CMYA5: variants seen among roughly 807,000 people sequenced by gnomAD.
The protein encoded by CMYA5 is cardiomyopathy-associated protein 5.
Under a neutral mutation model 318.9 loss-of-function variants are expected in CMYA5, and 246 were observed. The ratio of observed to expected loss-of-function variants is 0.77; its 90% CI spans 0.70 to 0.86. The LOEUF is 0.86. CMYA5 is among the 40% of genes least tolerant of loss of function. The pLI is 0.00. For synonymous variants in CMYA5, 1,641 were observed against 1,729.5 expected (o/e 0.95, Z 1.27); for missense variants, 4,589 against 4,678.2 (o/e 0.98, Z 0.56).
chr5:79,799,415 T>C lies in CMYA5; in HGVS notation c.12009T>C (p.Thr4003=). ...YSGIVSDVHV[T]ERPARVGILL... is the part of the protein sequence containing the mutation. ...GTATTGTGAGTGATGTTCATGTGAC[T>C]GAGCGTCCAGCCAGAGTGGGCATCC... is the stretch of plus-strand genomic sequence containing the variant. The change falls in exon 13 of 13, where the codon ACT becomes ACC. Residue 4003 remains threonine (T), a synonymous_variant. Coordinates refer to ENST00000446378, the MANE Select transcript of CMYA5 (RefSeq NM_153610.5). 3 of 1,613,754 alleles carry C rather than the reference T, an allele frequency of 1.9e-6. No homozygotes were observed. The highest frequency in any genetic ancestry group is 2.5e-6 in the Non-Finnish European group (3 of 1,179,650).
intron 8 of CMYA5, 147 bp from the exon 9 acceptor site, chr5:79,762,915 C>A: frequency 3.7e-6 from 3 of 809,044 alleles, no homozygotes; most frequent in Non-Finnish European, 5.7e-6. Flanking sequence ...TATATTTGAT[C>A]CCTTTTGGGT....
intron 12 of CMYA5, among the ~76,000 whole-genome samples, chr5:79,796,615 G>C (rs1829281791): frequency 6.6e-6 from 1 of 152,206 alleles, no homozygotes; most frequent in Non-Finnish European, 1.5e-5. Flanking sequence ...TACCCAGTCT[G>C]TCTCTAACTC....
chr5:79,765,430 C>G (rs1038355115), intron 9 of CMYA5, among the ~76,000 whole-genome samples: 3 of 152,298 alleles, frequency 2.0e-5, no homozygotes, highest in African/African-American at 7.2e-5. Flanking sequence ...CATGATGCCT[C>G]CAGCTTTGTT....
In CMYA5 at chr5:79,737,853, G is replaced by A. The variant is rs1480364387; in HGVS notation, c.9088G>A (p.Glu3030Lys). The A allele has an allele frequency of 1.2e-6, 2 of 1,600,504 alleles. No homozygotes were observed. The highest frequency in any genetic ancestry group is 1.7e-6 in the Non-Finnish European group (2 of 1,176,638). ...KQKETHKTKE[E>K]ISTDSETDLS... ...AAAGGAAACTCATAAGACAAAAGAA[G>A]AGATATCCACAGATTCAGAAACTGA... The change falls in exon 2 of 13, where the codon GAG (glutamate) becomes AAG (lysine). Residue 3030 changes from glutamate to lysine, a missense_variant. By Grantham distance (56) the Glu-to-Lys change is moderately conservative (BLOSUM62 1). This residue lies in a region of CMYA5 where 2,431 missense variants were observed against 2,495.1 expected (regional missense o/e 0.97). Coordinates refer to ENST00000446378, the MANE Select transcript of CMYA5 (RefSeq NM_153610.5).
intron 9 of CMYA5, 52 bp downstream of exon 9, chr5:79,763,261 C>G: frequency 6.7e-7 from 1 of 1,484,294 alleles, no homozygotes; most frequent in Non-Finnish European, 9.0e-7. Context: ...TAACCAAGCT[C>G]TGGGTCCTAA....
chr5:79,774,943 G>A (rs1225029152), intron 9 of CMYA5, among the ~76,000 whole-genome samples: 3 of 152,162 alleles, frequency 2.0e-5, no homozygotes, highest in Non-Finnish European at 2.9e-5. Context: ...GGTGATGACT[G>A]ACCAGTGGTC....
intron 9 of CMYA5, among the ~76,000 whole-genome samples, chr5:79,787,132 TG>T (rs1829096150): frequency 6.6e-6 from 1 of 152,206 alleles, no homozygotes; most frequent in African/African-American, 2.4e-5. Context: ...GTTTAACAAC[TG>T]TGTTGTTATA....
intron 6 of CMYA5, among the ~76,000 whole-genome samples, chr5:79,756,184 A>C (rs529065166): frequency 3.8e-4 from 53 of 140,012 alleles, no homozygotes; most frequent in Non-Finnish European, 3.4e-4. Context: ...GAAGACAAGC[A>C]ATAAATTCCA....
At chr5:79,696,731 C>T (rs1827073882) in intron 1 of CMYA5, among the ~76,000 whole-genome samples, 5 of 152,214 alleles carry the variant, frequency 3.3e-5, no homozygotes, top group Middle Eastern at 6.8e-3. Flanking sequence ...ATTGGCTGGA[C>T]GTGGTGGCTC....
chr5:79,776,565 C>T (rs1484852726), intron 9 of CMYA5, among the ~76,000 whole-genome samples: 3 of 151,978 alleles, frequency 2.0e-5, no homozygotes, highest in Non-Finnish European at 4.4e-5. Context: ...AAAAATCAAC[C>T]GGGATGCTTA....
chr5:79,798,660 G>C (rs896741853), intron 12 of CMYA5, among the ~76,000 whole-genome samples: 1 of 152,188 alleles, frequency 6.6e-6, no homozygotes, highest in African/African-American at 2.4e-5. Flanking sequence ...TGGGATCCCA[G>C]AGGGCAAGGA....
chr5:79,776,578 A>G (rs918587812), intron 9 of CMYA5, among the ~76,000 whole-genome samples: 1 of 152,102 alleles, frequency 6.6e-6, no homozygotes, highest in African/African-American at 2.4e-5. Context: ...GATGCTTACT[A>G]AACACCTAGA....
intron 6 of CMYA5, among the ~76,000 whole-genome samples, chr5:79,757,560 TG>T (rs1828555392): frequency 6.6e-6 from 1 of 152,136 alleles, no homozygotes; most frequent in Non-Finnish European, 1.5e-5. Flanking sequence ...AAAGAAAAAA[TG>T]GGATAGTCGT....
chr5:79,734,944 T>A lies in CMYA5; in HGVS notation c.6179T>A (p.Val2060Glu), dbSNP rs1279072333. The A allele has an allele frequency of 6.2e-7, 1 of 1,613,714 alleles. No individual in the cohort carries two copies. Among genetic ancestry groups the A allele is most frequent in the Non-Finnish European group, 8.5e-7 (1 of 1,179,770 alleles). Residue 2060 changes from valine (V) to glutamate (E), a missense_variant, in exon 2 of 13, where the codon GTG (valine) becomes GAG (glutamate). Val to Glu is a moderately radical substitution (Grantham distance 121, BLOSUM62 -2). Transcript: ENST00000446378. Reference protein sequence around the residue: ...KPVSGLSVEQVKSETISSSVK... With the variant: ...KPVSGLSVEQEKSETISSSVK... ...GTGTCTGGCCTATCAGTGGAACAGG[T>A]GAAGTCAGAAACAATCTCCTCTTCT...
At chr5:79,709,988 A>AAAAAAAG (rs1827356464) in intron 1 of CMYA5, among the ~76,000 whole-genome samples, 1 of 143,130 alleles carries the variant, frequency 7.0e-6, no homozygotes, top group East Asian at 2.0e-4. Context: ...AAAAAAAAAA[A>AAAAAAAG]GAAAGAAAGA....
In CMYA5 at chr5:79,800,099, T is replaced by TATTTAAATTTATAAATTTAAATTTA; in HGVS notation, c.*483_*484insATTTAAATTTATAAATTTAAATTTA. The TATTTAAATTTATAAATTTAAATTTA allele has an allele frequency of 6.6e-6, 1 of 151,138 alleles. No individual in the cohort carries two copies. The highest frequency in any genetic ancestry group is 2.1e-4 in the South Asian group (1 of 4,846). The allele number at this position is 151,138 out of a possible 1,614,324, so 9.4% of individuals were successfully genotyped here. On this transcript the variant is annotated 3_prime_UTR_variant, in exon 13 of 13. Coordinates refer to ENST00000446378, the MANE Select transcript of CMYA5 (RefSeq NM_153610.5). The stretch of plus-strand genomic sequence containing the variant: ...TGTTTCAGCTGATTTAAATTTATAA[T>TATTTAAATTTATAAATTTAAATTTA]GAACTCTTTTGTAATAATGTATACT...
Position 79,733,375 on chromosome 5 carries a change from TAAAG to T in CMYA5, c.4613_4616del (p.Lys1538ArgfsTer19). ...CTTCCACTCAGCCTATGGGGTGAGA[TAAAG>T]AAGAAAGAAACTGAACTTCCTTCAT... On this transcript the variant is annotated frameshift_variant, in exon 2 of 13. Transcript: ENST00000446378. LOFTEE classifies it high-confidence loss of function. The T allele has an allele frequency of 1.9e-6, 3 of 1,613,406 alleles. No homozygotes were observed. Among genetic ancestry groups the T allele is most frequent in the African/African-American group, 1.3e-5 (1 of 74,986 alleles).
chr5:79,715,063 T>C (rs1220281148), intron 1 of CMYA5, among the ~76,000 whole-genome samples: 1 of 152,184 alleles, frequency 6.6e-6, no homozygotes, highest in Non-Finnish European at 1.5e-5. Context: ...ATAACAAGAA[T>C]GTTTTTATTT....
At chr5:79,793,712 C>A in intron 12 of CMYA5, 102 bp downstream of exon 12, 2 of 1,043,286 alleles carry the variant, frequency 1.9e-6, no homozygotes, top group African/African-American at 1.6e-5. Flanking sequence ...CTTCCATGCT[C>A]AACTTCTGAG....
Sources: allele counts gnomAD v4.1 joint callset (sites outside exome capture counted in the v4.1 genomes callset), GRCh38; gene constraint gnomAD v4.1.1; regional missense constraint gnomAD v4.1.1; transcripts MANE v1.5; gene names NCBI Gene and HGNC (gene_info 2026-07-23, HGNC 2026-07-21).